Variants in NLGN1 observed in about 807,000 individuals in gnomAD.
NLGN1 encodes neuroligin 1.
Under a neutral mutation model 65.5 loss-of-function variants are expected in NLGN1, and 12 were observed. That is an observed-to-expected ratio of 0.18 (90% CI 0.12 to 0.30). The LOEUF is 0.30. NLGN1 is among the 10% of genes least tolerant of loss of function. The pLI is 1.00. For synonymous variants in NLGN1, 350 were observed against 359.5 expected, an observed-to-expected ratio of 0.97 and a Z score of 0.30; for missense variants, 750 against 1,007.1, an observed-to-expected ratio of 0.74 and a Z score of 3.46.
chr3:174,291,580 T>TA (rs1752767185), downstream of NLGN1, among the ~76,000 whole-genome samples: 1 of 151,302 alleles, frequency 6.6e-6, no homozygotes, highest in Non-Finnish European at 1.5e-5. Flanking sequence ...TTTATGCCAG[T>TA]AAAAATTAAA....
intron 4 of NLGN1, among the ~76,000 whole-genome samples, chr3:174,041,088 AGCT>A (rs1250952219): frequency 3.9e-5 from 6 of 152,174 alleles, no homozygotes; most frequent in African/African-American, 1.4e-4. Context: ...GTGTAAGCCA[AGCT>A]GCTATCAAGA....
intron 4 of NLGN1, among the ~76,000 whole-genome samples, chr3:174,028,237 G>T (rs956501271): frequency 1.3e-5 from 2 of 152,300 alleles, no homozygotes; most frequent in East Asian, 1.9e-4. Flanking sequence ...TGGGTAACAG[G>T]CAGATGTTGA....
At chr3:173,733,843 A>G (rs111516092) in intron 3 of NLGN1, among the ~76,000 whole-genome samples, 3,239 of 152,192 alleles carry the variant, frequency 0.021, 128 homozygotes, top group African/African-American at 0.075. Context: ...GCAAAAAAGC[A>G]TTGTCCATAC....
At chr3:173,463,656 C>G (rs767608340) in intron 2 of NLGN1, among the ~76,000 whole-genome samples, 3 of 152,154 alleles carry the variant, frequency 2.0e-5, no homozygotes, top group African/African-American at 4.8e-5. Context: ...GAGGATCCCT[C>G]GGGATTCCTG....
At chr3:173,413,889 A>G (rs1357391184) in intron 1 of NLGN1, among the ~76,000 whole-genome samples, 2 of 152,204 alleles carry the variant, frequency 1.3e-5, no homozygotes, top group Non-Finnish European at 2.9e-5. Flanking sequence ...AGGAAGCAGC[A>G]GTGGTTGTGG....
At chr3:173,739,202 T>A (rs74961197) in intron 3 of NLGN1, among the ~76,000 whole-genome samples, 1,790 of 152,068 alleles carry the variant, frequency 0.012, 32 homozygotes, top group African/African-American at 0.041. Context: ...AGGAAAGTGG[T>A]CAAATATTCC....
At chr3:173,595,256 G>T (rs187213867) in intron 2 of NLGN1, among the ~76,000 whole-genome samples, 4 of 152,216 alleles carry the variant, frequency 2.6e-5, no homozygotes, top group Admixed American at 2.6e-4. Context: ...GTCACCTCTT[G>T]AATGCTTTGC....
rs199810139 is a variant in NLGN1, at chr3:174,060,128, A to T, written c.647-215187A>T. 1.2e-4 allele frequency among the ~76,000 whole-genome samples: 19 copies of T among 152,246 alleles called. No individual in the cohort carries two copies. In the East Asian group the frequency reaches 3.7e-3, roughly 29 times the overall value. On this transcript the variant is annotated intron_variant, in intron 4 of 6. Coordinates refer to ENST00000457714, the Ensembl canonical transcript of NLGN1. ...CAAAAAATTTGTATTTCTACATGGT[A>T]CTTATTTTATGGTTATATTTCACCA...
At chr3:173,524,125 A>G (rs1735239657) in intron 2 of NLGN1, among the ~76,000 whole-genome samples, 1 of 150,398 alleles carries the variant, frequency 6.6e-6, no homozygotes, top group African/African-American at 2.4e-5. Context: ...ACGGGGTTTC[A>G]CCATGTTAGC....
intron 3 of NLGN1, among the ~76,000 whole-genome samples, chr3:173,716,796 C>T (rs865844267): frequency 1.3e-5 from 2 of 152,014 alleles, no homozygotes; most frequent in African/African-American, 4.8e-5. Context: ...TAGGATTTTT[C>T]CCTTCTTGAT....
chr3:173,715,749 G>A (rs530572341), intron 3 of NLGN1, among the ~76,000 whole-genome samples: 10 of 152,070 alleles, frequency 6.6e-5, no homozygotes, highest in South Asian at 6.2e-4. Flanking sequence ...GTCTGGTTTC[G>A]CAGATAGTTC....
intron 4 of NLGN1, among the ~76,000 whole-genome samples, chr3:174,130,397 C>T (rs1394086396): frequency 6.6e-6 from 1 of 151,814 alleles, no homozygotes; most frequent in Non-Finnish European, 1.5e-5. Context: ...ATAAACATCA[C>T]TGTATAGTAG....
At chr3:173,904,532 C>G (rs890645803) in intron 4 of NLGN1, among the ~76,000 whole-genome samples, 2 of 146,642 alleles carry the variant, frequency 1.4e-5, no homozygotes, top group African/African-American at 5.0e-5. Context: ...CATTTAGTTT[C>G]AAGTGCATAA....
In NLGN1 at chr3:173,807,831, C is replaced by T. The variant is rs779083189; in HGVS notation, c.645C>T (p.Leu215=). 40 of 1,612,158 alleles carry T rather than the reference C, an allele frequency of 2.5e-5. No individual in the cohort carries two copies. The highest frequency in any genetic ancestry group is 1.6e-4 in the Middle Eastern group (1 of 6,070). The change falls in exon 4 of 7, where the codon CTC becomes CTT. Residue 215 remains leucine, a splice_region_variant and synonymous_variant. Transcript: ENST00000457714. ...CAGTCAACTATCGACTTGGAGTACT[C>T]GGTAAGAAGAGTCTCTCTTTTGTTT...
At chr3:173,942,120 GTGTGTGTGTGTGTGTGTGTGTA>G (rs1036397213) in intron 4 of NLGN1, among the ~76,000 whole-genome samples, 3 of 142,690 alleles carry the variant, frequency 2.1e-5, no homozygotes, top group Non-Finnish European at 3.1e-5. Flanking sequence ...GTGTGTGTGT[GTGTGTGTGTGTGTGTGTGTGTA>G]TGTGTGTGTG....
At chr3:173,500,263 G>T (rs554260555) in intron 2 of NLGN1, among the ~76,000 whole-genome samples, 7 of 152,270 alleles carry the variant, frequency 4.6e-5, no homozygotes, top group East Asian at 3.9e-4. Flanking sequence ...TAGCATGAAA[G>T]GTTGTTGAAT....
At chr3:174,125,836 A>G (rs1718831703) in intron 4 of NLGN1, among the ~76,000 whole-genome samples, 1 of 152,124 alleles carries the variant, frequency 6.6e-6, no homozygotes, top group South Asian at 2.1e-4. Flanking sequence ...GGAGTGAGGA[A>G]TATTTCCAGA....
At chr3:174,167,439 T>A (rs1393543177) in intron 4 of NLGN1, among the ~76,000 whole-genome samples, 1 of 152,138 alleles carries the variant, frequency 6.6e-6, no homozygotes, top group Non-Finnish European at 1.5e-5. Flanking sequence ...CTTTCATTTA[T>A]GAAATTAGTT....
At chr3:173,666,157 A>G (rs983812014) in intron 3 of NLGN1, among the ~76,000 whole-genome samples, 1 of 152,102 alleles carries the variant, frequency 6.6e-6, no homozygotes, top group Non-Finnish European at 1.5e-5. Context: ...ATTGACTTTG[A>G]GTTCCTGATA....
Sources: allele counts gnomAD v4.1 joint callset (sites outside exome capture counted in the v4.1 genomes callset), GRCh38; gene constraint gnomAD v4.1.1; transcripts MANE v1.5; gene names NCBI Gene and HGNC (gene_info 2026-07-23, HGNC 2026-07-21).